Variants in ADAM9 observed in about 807,000 individuals in gnomAD.
ADAM9 encodes ADAM metallopeptidase domain 9, also known as disintegrin and metalloproteinase domain-containing protein 9.
Under a neutral mutation model 108.1 loss-of-function variants are expected in ADAM9, and 54 were observed. That is an observed-to-expected ratio of 0.50 (90% CI 0.40 to 0.63). ADAM9 has a LOEUF of 0.63. Ranked by LOEUF, ADAM9 falls within the 20% of genes least tolerant of loss-of-function variation. The pLI is 0.00. For synonymous variants in ADAM9, 316 were observed against 336.0 expected (o/e 0.94, Z 0.65); for missense variants, 830 against 997.7 (o/e 0.83, Z 2.26).
intron 14 of ADAM9, among the ~76,000 whole-genome samples, chr8:39,059,483 C>T (rs1838228983): frequency 6.6e-6 from 1 of 152,212 alleles, no homozygotes. Flanking sequence ...TCGCCTCCAA[C>T]CCTGCCACTG....
At chr8:39,003,447 A>G (rs868110763) in intron 1 of ADAM9, among the ~76,000 whole-genome samples, 1 of 148,890 alleles carries the variant, frequency 6.7e-6, no homozygotes, top group Non-Finnish European at 1.5e-5. Flanking sequence ...GAAAAATGTT[A>G]TTTTGGTTCC....
intron 14 of ADAM9, among the ~76,000 whole-genome samples, chr8:39,067,718 T>C (rs1838531342): frequency 6.6e-6 from 1 of 152,226 alleles, no homozygotes; most frequent in South Asian, 2.1e-4. Context: ...CCTCTTTTCC[T>C]AATTGAATAC....
In ADAM9 at chr8:39,096,133, A is replaced by G. The variant is rs1282985312; in HGVS notation, c.2298+4787A>G. Among the ~76,000 whole-genome samples the G allele has an allele frequency of 2.7e-5, 4 of 149,686 alleles. 1 individual carries two copies. The highest frequency in any genetic ancestry group is 6.0e-5 in the Non-Finnish European group (4 of 67,038). ...GTACATATCACATGGGGTACATGTG[A>G]TATTTTGAAACAAGCATATAGTGTG... On this transcript the variant is annotated intron_variant, in intron 20 of 21. Coordinates refer to ENST00000487273, the MANE Select transcript of ADAM9 (RefSeq NM_003816.3).
rs1297140616 is a variant in ADAM9, at chr8:39,045,753, A to AT, written c.1302+3637dup. ...CCCAGTAGTGGAATTGCTGGGTCAA[A>AT]TGGTAGTTCTAGTTTTAGTTCTTTG... On this transcript the variant is annotated intron_variant, in intron 12 of 21. Coordinates refer to ENST00000487273, the MANE Select transcript of ADAM9 (RefSeq NM_003816.3). Among the ~76,000 whole-genome samples, 8 of 152,182 alleles carry AT rather than the reference A, an allele frequency of 5.3e-5. No homozygotes were observed. In the South Asian group the frequency reaches 1.2e-3, roughly 24 times the overall value.
intron 16 of ADAM9, among the ~76,000 whole-genome samples, 173 bp from the exon 17 acceptor site, chr8:39,082,468 T>G (rs1839053791): frequency 6.6e-6 from 1 of 152,224 alleles, no homozygotes; most frequent in East Asian, 1.9e-4. Flanking sequence ...TATCAATTAA[T>G]TAATGCCACT....
intron 1 of ADAM9, among the ~76,000 whole-genome samples, chr8:38,997,869 C>T (rs75508117): frequency 0.021 from 3,206 of 152,310 alleles, 49 homozygotes; most frequent in Non-Finnish European, 0.033. Flanking sequence ...CTTTTGAACT[C>T]ACAGGATTAT....
intron 2 of ADAM9, among the ~76,000 whole-genome samples, chr8:39,008,679 TTATAC>T (rs1836246338): frequency 6.6e-6 from 1 of 152,184 alleles, no homozygotes; most frequent in South Asian, 2.1e-4. Flanking sequence ...CTAGAACACT[TTATAC>T]TATATCTTCA....
intron 12 of ADAM9, among the ~76,000 whole-genome samples, chr8:39,053,080 A>G (rs181160093): frequency 4.6e-5 from 7 of 152,274 alleles, no homozygotes; most frequent in African/African-American, 9.6e-5. Context: ...TTTCCTTAGT[A>G]ACTAATGATG....
At chr8:39,098,657 T>A (rs779979532) in intron 20 of ADAM9, among the ~76,000 whole-genome samples, 1 of 152,234 alleles carries the variant, frequency 6.6e-6, no homozygotes, top group Non-Finnish European at 1.5e-5. Context: ...ATTATCTGTT[T>A]TAAAGCTTTT....
chr8:39,016,073 A>G, intron 4 of ADAM9, 45 bp from the exon 5 acceptor site: 1 of 1,546,168 alleles, frequency 6.5e-7, no homozygotes, highest in South Asian at 1.1e-5. Context: ...GATGATTTTC[A>G]GCAATGTAGC....
chr8:39,092,802 C>G (rs1839396826), intron 20 of ADAM9, among the ~76,000 whole-genome samples: 1 of 151,662 alleles, frequency 6.6e-6, no homozygotes, highest in African/African-American at 2.4e-5. Flanking sequence ...TATGAAATAC[C>G]AGTTCATTTT....
At chr8:39,049,658 C>T (rs1413479842) in intron 12 of ADAM9, among the ~76,000 whole-genome samples, 2 of 151,916 alleles carry the variant, frequency 1.3e-5, no homozygotes, top group East Asian at 1.9e-4. Context: ...AGGCTGGTCT[C>T]GAACTCCTGA....
intron 6 of ADAM9, 105 bp downstream of exon 6, chr8:39,017,519 T>G: frequency 8.2e-7 from 1 of 1,214,516 alleles, no homozygotes; most frequent in East Asian, 2.5e-5. Flanking sequence ...TTTCTTTTCT[T>G]AATTTTGCCA....
At chr8:39,061,141 C>T (rs1485478115) in intron 14 of ADAM9, among the ~76,000 whole-genome samples, 5 of 152,178 alleles carry the variant, frequency 3.3e-5, no homozygotes, top group Admixed American at 2.6e-4. Flanking sequence ...GATGTTGACA[C>T]GAATCTCTGC....
chr8:39,029,442 C>T (rs1327616481), intron 11 of ADAM9, among the ~76,000 whole-genome samples: 1 of 152,074 alleles, frequency 6.6e-6, no homozygotes, highest in Admixed American at 6.5e-5. Context: ...TAGAAGTGGC[C>T]AAAGTGAGTA....
chr8:39,087,901 A>T (rs1839226020), intron 18 of ADAM9, among the ~76,000 whole-genome samples: 1 of 152,190 alleles, frequency 6.6e-6, no homozygotes, highest in Non-Finnish European at 1.5e-5. Flanking sequence ...TCTGCTGTTG[A>T]CTGGAAGACT....
intron 14 of ADAM9, among the ~76,000 whole-genome samples, chr8:39,067,493 T>C (rs1035033971): frequency 3.9e-5 from 6 of 152,192 alleles, no homozygotes; most frequent in African/African-American, 1.4e-4. Flanking sequence ...GATTCCTAGG[T>C]ATTTTATTCT....
chr8:39,082,767 T>C, intron 17 of ADAM9, 46 bp downstream of exon 17: 1 of 1,485,110 alleles, frequency 6.7e-7, no homozygotes, highest in Non-Finnish European at 9.4e-7. Context: ...TAGTGCTAAA[T>C]AATGAGAAAT....
chr8:39,049,888 C>T lies in ADAM9; in HGVS notation c.1303-4593C>T, dbSNP rs557238130. On this transcript the variant is annotated intron_variant, in intron 12 of 21. Coordinates refer to ENST00000487273, the MANE Select transcript of ADAM9 (RefSeq NM_003816.3). ...TATACTTTCTTATGCTCCTGTGTTGCTGTCTAGCAGTCTTTCATTTCAAGG... is the reference window on the plus strand; with the variant it reads ...TATACTTTCTTATGCTCCTGTGTTGTTGTCTAGCAGTCTTTCATTTCAAGG... Among the ~76,000 whole-genome samples the T allele has an allele frequency of 7.2e-5, 11 of 152,232 alleles. No homozygotes were observed. In the South Asian group the frequency reaches 2.3e-3, roughly 32 times the overall value.
Sources: allele counts gnomAD v4.1 joint callset (sites outside exome capture counted in the v4.1 genomes callset), GRCh38; gene constraint gnomAD v4.1.1; transcripts MANE v1.5; gene names NCBI Gene and HGNC (gene_info 2026-07-23, HGNC 2026-07-21).